The following RTKN2 variants were observed in gnomAD, a reference collection of about 807,000 sequenced individuals.
RTKN2 encodes the protein rhotekin-2.
RTKN2 carries 69 observed loss-of-function variants against 71.5 expected under a neutral mutation model. The observed-to-expected ratio is 0.96, with a 90% CI of 0.79 to 1.18. The LOEUF (loss-of-function observed/expected upper bound fraction) is 1.18. Among genes scored for constraint, RTKN2 ranks in the 50% most tolerant of loss-of-function variants. The pLI, the probability that RTKN2 is intolerant of heterozygous loss-of-function variation, is 0.00. For synonymous variants in RTKN2, 236 were observed against 236.5 expected, an observed-to-expected ratio of 1.00 and a Z score of 0.02; for missense variants, 724 against 719.7, an observed-to-expected ratio of 1.01 and a Z score of -0.07.
chr10:62,205,047 G>T, intron 9 of RTKN2, 25 bp from the exon 10 acceptor site: 1 of 1,561,154 alleles, frequency 6.4e-7, no homozygotes, highest in Non-Finnish European at 8.6e-7. Context: ...AAAAATTGGG[G>T]TTTTGCATGA....
chr10:62,208,286 T>C (rs77431838), intron 9 of RTKN2, among the ~76,000 whole-genome samples: 1 of 152,096 alleles, frequency 6.6e-6, no homozygotes, highest in Non-Finnish European at 1.5e-5. Flanking sequence ...TATACGACCA[T>C]AAAAAATGCA....
At chr10:62,228,437 G>A (rs1247070590) in intron 6 of RTKN2, among the ~76,000 whole-genome samples, 1 of 152,180 alleles carries the variant, frequency 6.6e-6, no homozygotes, top group East Asian at 1.9e-4. Flanking sequence ...ACCTTGACGA[G>A]ACTAGTTTCT....
intron 6 of RTKN2, among the ~76,000 whole-genome samples, chr10:62,228,745 A>C (rs1842085399): frequency 6.6e-6 from 1 of 152,220 alleles, no homozygotes; most frequent in Admixed American, 6.6e-5. Flanking sequence ...GACAGGCCTT[A>C]GATGAGGTGA....
intron 2 of RTKN2, among the ~76,000 whole-genome samples, chr10:62,258,438 C>T (rs190087135): frequency 2.6e-5 from 4 of 151,112 alleles, no homozygotes; most frequent in African/African-American, 9.9e-5. Context: ...AAGAAATCCA[C>T]ACACAGTTTT....
intron 8 of RTKN2, among the ~76,000 whole-genome samples, chr10:62,187,640 T>C (rs1564492855): frequency 6.6e-6 from 1 of 152,222 alleles, no homozygotes. Context: ...TTTTTTCCTT[T>C]TTAGAAATTT....
At chr10:62,190,984 C>T (rs1376448455), downstream of RTKN2, among the ~76,000 whole-genome samples, 1 of 152,124 alleles carries the variant, frequency 6.6e-6, no homozygotes, top group Non-Finnish European at 1.5e-5. Flanking sequence ...TGACTACTAA[C>T]CTCCCTTTGA....
At position 62,241,015 on chromosome 10, in the gene RTKN2, C is replaced by CT. The variant is rs1172002939; in HGVS notation, c.370+126_370+127insA. ...TTATATTAAAAATCAGAAAACAGTT[C>CT]AAGATGCTGCTTATTCTTTCAAATG... On this transcript the variant is annotated intron_variant, in intron 4 of 11. Transcript: ENST00000373789. 4 of 583,020 alleles carry CT rather than the reference C, an allele frequency of 6.9e-6. No homozygotes were observed. In the African/African-American group the frequency reaches 7.6e-5, roughly 11 times the overall value. The allele number at this position is 583,020 out of a possible 1,614,324, so 36.1% of individuals were successfully genotyped here.
Position 62,268,828 on chromosome 10 carries a change from C to T in RTKN2, c.-218G>A. Reference sequence around the variant, plus strand: ...CGCCGGAAGTTGCCGAGACCCCAGGCTCTAGCGCGGCGGGGCGGGGGAGAG... The same window carrying T: ...CGCCGGAAGTTGCCGAGACCCCAGGTTCTAGCGCGGCGGGGCGGGGGAGAG... On this transcript the variant is annotated 5_prime_UTR_variant, in exon 1 of 12. Coordinates refer to ENST00000373789, the MANE Select transcript of RTKN2 (RefSeq NM_145307.4). 1.8e-6 allele frequency: 1 copy of T among 544,904 alleles called. No homozygotes were observed. Among genetic ancestry groups the T allele is most frequent in the South Asian group, 2.4e-5 (1 of 41,358 alleles). The allele number at this position is 544,904 out of a possible 1,614,324, so 33.8% of individuals were successfully genotyped here.
In RTKN2 at chr10:62,196,645, C is replaced by A. The variant is rs1301473938; in HGVS notation, c.*1263G>T. ...TCTCAAGAGATTATACACAGGGCAGCAATTTAATTCTTAAATTTTTATTTC... is the reference window on the plus strand; with the variant it reads ...TCTCAAGAGATTATACACAGGGCAGAAATTTAATTCTTAAATTTTTATTTC... On this transcript the variant is annotated 3_prime_UTR_variant, in exon 12 of 12. Transcript: ENST00000373789. 1 of 984,268 alleles carries A rather than the reference C, an allele frequency of 1.0e-6. No homozygotes were observed. The highest frequency in any genetic ancestry group is 1.7e-5 in the African/African-American group (1 of 57,210). 61.0% of individuals were successfully genotyped at this position (984,268 alleles called of 1,614,324 possible). A position where few individuals can be genotyped will look rare whatever the true frequency, so the allele number is the denominator to read the frequency against.
chr10:62,188,007 AC>A (rs1453513400), intron 8 of RTKN2, among the ~76,000 whole-genome samples: 1 of 152,234 alleles, frequency 6.6e-6, no homozygotes, highest in Non-Finnish European at 1.5e-5. Context: ...CTAACCATAT[AC>A]AAATGAAACA....
chr10:62,192,323 ACTCT>A (rs1841235952), downstream of RTKN2, among the ~76,000 whole-genome samples: 1 of 152,132 alleles, frequency 6.6e-6, no homozygotes, highest in African/African-American at 2.4e-5. Context: ...AGCTGTACTC[ACTCT>A]CATTACAGTA....
intron 9 of RTKN2, among the ~76,000 whole-genome samples, chr10:62,209,323 T>C (rs1204707248): frequency 1.3e-5 from 2 of 151,638 alleles, no homozygotes; most frequent in African/African-American, 4.8e-5. Context: ...ACTAGAAAAA[T>C]CCAGACTATG....
At position 62,212,977 on chromosome 10, in the gene RTKN2, C is replaced by T. The variant is rs765738707; in HGVS notation, c.1020+4141G>A. On this transcript the variant is annotated intron_variant, in intron 9 of 11. Transcript: ENST00000373789. Reference sequence around the variant, plus strand: ...ACCAATGCTATACCAATACATGACACCAACTTCTTACCCTGAAAATTGGCA... The same window carrying T: ...ACCAATGCTATACCAATACATGACATCAACTTCTTACCCTGAAAATTGGCA... Among the ~76,000 whole-genome samples the T allele has an allele frequency of 6.6e-5, 10 of 152,100 alleles. 1 individual carries two copies. Among genetic ancestry groups the T allele is most frequent in the Admixed American group, 1.3e-4 (2 of 15,252 alleles).
chr10:62,220,973 C>T (rs1841891885), intron 7 of RTKN2, among the ~76,000 whole-genome samples: 1 of 151,474 alleles, frequency 6.6e-6, no homozygotes, highest in African/African-American at 2.4e-5. Flanking sequence ...TTCAGATAAA[C>T]AAAAAGAACA....
intron 9 of RTKN2, chr10:62,215,032 A>G: frequency 6.8e-7 from 1 of 1,463,288 alleles, no homozygotes; most frequent in Non-Finnish European, 9.3e-7. Flanking sequence ...TGCCTACCTT[A>G]AAGGACTGAG....
chr10:62,226,548 T>C (rs1026279022), intron 6 of RTKN2, among the ~76,000 whole-genome samples: 9 of 152,322 alleles, frequency 5.9e-5, no homozygotes, highest in Admixed American at 5.2e-4. Flanking sequence ...AAACAATGCA[T>C]GAGTACATTT....
chr10:62,263,661 A>G (rs1435545011), intron 1 of RTKN2, among the ~76,000 whole-genome samples: 2 of 152,222 alleles, frequency 1.3e-5, no homozygotes, highest in Admixed American at 6.5e-5. Flanking sequence ...AGTAGCAGGG[A>G]GGAAACAGGC....
intron 9 of RTKN2, among the ~76,000 whole-genome samples, chr10:62,210,505 G>A (rs1841638030): frequency 6.6e-6 from 1 of 152,034 alleles, no homozygotes; most frequent in African/African-American, 2.4e-5. Flanking sequence ...CCTCTTTCTT[G>A]GCTGTAATGC....
intron 10 of RTKN2, among the ~76,000 whole-genome samples, chr10:62,203,535 G>A (rs562900222): frequency 2.1e-4 from 32 of 152,232 alleles, no homozygotes; most frequent in Admixed American, 1.2e-3. Flanking sequence ...AGTAGATACG[G>A]GGTTTTACCA....
Sources: allele counts gnomAD v4.1 joint callset (sites outside exome capture counted in the v4.1 genomes callset), GRCh38; gene constraint gnomAD v4.1.1; transcripts MANE v1.5; gene names NCBI Gene and HGNC (gene_info 2026-07-23, HGNC 2026-07-21).